Variants in ITGA8 observed in about 807,000 individuals in gnomAD.
The protein encoded by ITGA8 is integrin subunit alpha 8, also known as integrin alpha-8.
In ITGA8, 91 loss-of-function variants were observed where a neutral mutation model predicts 142.3. That is an observed-to-expected ratio of 0.64 (90% CI 0.54 to 0.76). The LOEUF (loss-of-function observed/expected upper bound fraction) is 0.76, where lower values mean the gene tolerates loss of function less well. Among genes scored for constraint, ITGA8 ranks in the 30% least tolerant of loss-of-function variants. ITGA8 has a pLI of 0.00. For synonymous variants in ITGA8, 505 were observed against 485.2 expected (o/e 1.04, Z -0.54); for missense variants, 1,406 against 1,327.7 (o/e 1.06, Z -0.92).
In ITGA8 at chr10:15,718,628, A is replaced by C. The variant is rs988418108; in HGVS notation, c.343+138T>G. 3.8e-6 allele frequency: 4 copies of C among 1,053,052 alleles called. No individual in the cohort carries two copies. The African/African-American group carries it at 6.4e-5, about 17-fold the overall frequency. The allele number at this position is 1,053,052 out of a possible 1,614,324, so 65.2% of individuals were successfully genotyped here. On this transcript the variant is annotated intron_variant, in intron 2 of 29. Transcript: ENST00000378076. ...GAGTTGAAAAAACTGATTTCTCTAG[A>C]GACCCACATAGCCCACAATACGGAC... is the stretch of plus-strand genomic sequence containing the variant.
chr10:15,546,869 A>G (rs577734521), intron 27 of ITGA8, among the ~76,000 whole-genome samples: 1 of 136,142 alleles, frequency 7.3e-6, no homozygotes, highest in African/African-American at 3.7e-5. Flanking sequence ...AGGGAAATGA[A>G]GGGAAGGGAA....
intron 2 of ITGA8, among the ~76,000 whole-genome samples, chr10:15,703,324 A>T (rs1557040): frequency 6.6e-6 from 1 of 152,138 alleles, no homozygotes; most frequent in Non-Finnish European, 1.5e-5. Context: ...TTGAATAACC[A>T]ATAGTGCCTA....
chr10:15,532,891 T>G (rs11813625), intron 27 of ITGA8, among the ~76,000 whole-genome samples: 30,808 of 152,134 alleles, frequency 0.2, 4,300 homozygotes, highest in African/African-American at 0.4. Context: ...ATTTGACTAT[T>G]ATCTGTGCTC....
Position 15,519,379 on chromosome 10 carries a change from C to T in ITGA8, c.3016G>A (p.Val1006Ile). ...KTSVIWATPNVSFSIPLWVII... is the reference protein window; with the variant it reads ...KTSVIWATPNISFSIPLWVII... ...ACCCATAATGGGATTGAGAAGGAAA[C>T]ATTCGGAGTTGCCCAAATAACTGAT... The change falls in exon 29 of 30, where the codon GTT becomes ATT. Residue 1006 changes from valine to isoleucine, a missense_variant. Physicochemically the swap from Val to Ile is conservative, Grantham distance 29 (BLOSUM62 3). Transcript: ENST00000378076. 3 of 1,613,672 alleles carry T rather than the reference C, an allele frequency of 1.9e-6. No homozygotes were observed. Among genetic ancestry groups the T allele is most frequent in the African/African-American group, 1.3e-5 (1 of 75,022 alleles).
At chr10:15,552,382 C>T (rs1200259757) in intron 26 of ITGA8, among the ~76,000 whole-genome samples, 2 of 152,174 alleles carry the variant, frequency 1.3e-5, no homozygotes, top group Non-Finnish European at 2.9e-5. Context: ...TCGTGATCCA[C>T]CCGCCTCGGC....
At chr10:15,707,008 C>A (rs1033564862) in intron 2 of ITGA8, among the ~76,000 whole-genome samples, 3 of 152,208 alleles carry the variant, frequency 2.0e-5, no homozygotes, top group Non-Finnish European at 4.4e-5. Context: ...CAACCTAGAA[C>A]ATGTCTCCCT....
intron 15 of ITGA8, among the ~76,000 whole-genome samples, chr10:15,609,052 C>A (rs1833247655): frequency 6.6e-6 from 1 of 152,058 alleles, no homozygotes; most frequent in Non-Finnish European, 1.5e-5. Flanking sequence ...ATGAGAGACA[C>A]TTTGGAGTTG....
At chr10:15,658,487 C>A (rs967293937) in intron 10 of ITGA8, among the ~76,000 whole-genome samples, 6 of 151,680 alleles carry the variant, frequency 4.0e-5, no homozygotes, top group African/African-American at 1.4e-4. Flanking sequence ...CTCTTGCTTA[C>A]AGAGACTGTG....
chr10:15,660,543 A>G (rs1009531197), intron 9 of ITGA8, among the ~76,000 whole-genome samples: 21 of 152,224 alleles, frequency 1.4e-4, no homozygotes, highest in Non-Finnish European at 2.1e-4. Context: ...TCAACTGACA[A>G]TGGTTCAAAA....
chr10:15,587,199 G>A (rs1375422398), intron 22 of ITGA8, among the ~76,000 whole-genome samples: 3 of 152,128 alleles, frequency 2.0e-5, no homozygotes, highest in Admixed American at 2.0e-4. Flanking sequence ...GGGATTACAG[G>A]CGTGAGCCAC....
At chr10:15,522,170 C>T (rs1048396349) in intron 28 of ITGA8, among the ~76,000 whole-genome samples, 9 of 152,240 alleles carry the variant, frequency 5.9e-5, no homozygotes, top group African/African-American at 9.6e-5. Context: ...GATCACTATA[C>T]GTTATGTGCA....
chr10:15,534,997 G>T (rs1340912560), intron 27 of ITGA8, among the ~76,000 whole-genome samples: 1 of 152,186 alleles, frequency 6.6e-6, no homozygotes, highest in Non-Finnish European at 1.5e-5. Flanking sequence ...AGGCGCAGGC[G>T]GGAACCTGGG....
At chr10:15,675,135 G>A (rs538311933) in intron 6 of ITGA8, among the ~76,000 whole-genome samples, 1 of 152,132 alleles carries the variant, frequency 6.6e-6, no homozygotes, top group African/African-American at 2.4e-5. Context: ...CCCATGGACT[G>A]AGTTATCACC....
chr10:15,719,690 C>T lies in ITGA8; in HGVS notation c.82G>A (p.Gly28Arg). Residue 28 changes from glycine to arginine, a missense_variant, in exon 1 of 30, where the codon GGG (glycine) becomes AGG (arginine). Gly to Arg is a moderately radical substitution (Grantham distance 125). Coordinates refer to ENST00000378076, the MANE Select transcript of ITGA8 (RefSeq NM_003638.3). ...APLCCAAAAL[G>R]MLLWSPACQA... is the part of the protein sequence containing the mutation. ...CAGGCGGGGGACCACAGCAACATCC[C>T]CAGCGCGGCCGCGGCGCAGCAGAGG... The T allele has an allele frequency of 6.8e-7, 1 of 1,468,408 alleles. No homozygotes were observed. 91.0% of individuals were successfully genotyped at this position (1,468,408 alleles called of 1,614,324 possible).
chr10:15,606,793 C>T (rs922068746), intron 17 of ITGA8, among the ~76,000 whole-genome samples: 29 of 152,058 alleles, frequency 1.9e-4, no homozygotes, highest in African/African-American at 7.0e-4. Flanking sequence ...CGTGAGGTTG[C>T]CAGAATTTAT....
chr10:15,556,593 G>A (rs926435698), intron 26 of ITGA8, among the ~76,000 whole-genome samples: 5 of 152,234 alleles, frequency 3.3e-5, no homozygotes, highest in African/African-American at 1.2e-4. Flanking sequence ...TGTAATAGGT[G>A]TATATATTTA....
intron 2 of ITGA8, among the ~76,000 whole-genome samples, chr10:15,701,742 A>G (rs1247871665): frequency 2.6e-5 from 4 of 152,230 alleles, no homozygotes; most frequent in African/African-American, 9.6e-5. Context: ...TAGAGAAAAC[A>G]GTAGGTTTCC....
At chr10:15,544,633 A>G (rs151028496) in intron 27 of ITGA8, among the ~76,000 whole-genome samples, 1 of 152,312 alleles carries the variant, frequency 6.6e-6, no homozygotes, top group African/African-American at 2.4e-5. Context: ...AAAGTAGGAA[A>G]TTCAAGAGTT....
At chr10:15,576,528 CAACAGAA>C (rs753291233) in intron 23 of ITGA8, among the ~76,000 whole-genome samples, 3 of 152,112 alleles carry the variant, frequency 2.0e-5, no homozygotes, top group South Asian at 2.1e-4. Context: ...AAAGTAACCT[CAACAGAA>C]AACATCTCTT....
Sources: gnomAD v4.1 joint callset for allele counts (sites outside exome capture counted in the v4.1 genomes callset) on GRCh38, gnomAD v4.1.1 for gene constraint, MANE v1.5 for transcripts, NCBI Gene and HGNC (gene_info 2026-07-23, HGNC 2026-07-21) for gene names.